The following ADORA2B variants were observed in gnomAD, a reference collection of about 807,000 sequenced individuals.
ADORA2B encodes adenosine receptor A2b.
Under a neutral mutation model 20.8 loss-of-function variants are expected in ADORA2B, and 18 were observed. The observed-to-expected ratio is 0.87, with a 90% confidence interval of 0.60 to 1.29. The LOEUF (loss-of-function observed/expected upper bound fraction) is 1.29, where lower values mean the gene tolerates loss of function less well. Among genes scored for constraint, ADORA2B ranks in the 50% most tolerant of loss-of-function variants. ADORA2B has a pLI of 0.00. For synonymous variants in ADORA2B, 179 were observed against 178.3 expected, an observed-to-expected ratio of 1.00 and a Z score of -0.03; for missense variants, 441 against 422.7, an observed-to-expected ratio of 1.04 and a Z score of -0.38.
At chr17:15,893,438 C>T in the ADORA2B span, among the ~76,000 whole-genome samples, 5 of 152,180 alleles carry the variant, frequency 3.3e-5, no homozygotes, top group Admixed American at 1.3e-4. Flanking sequence ...TCAGAGTGGA[C>T]ACCACACTCC....
At chr17:15,916,934 C>T in the ADORA2B span, among the ~76,000 whole-genome samples, 1 of 152,212 alleles carries the variant, frequency 6.6e-6, no homozygotes, top group Non-Finnish European at 1.5e-5. Flanking sequence ...CCTAAGTGAT[C>T]TGGCACCAAA....
At chr17:15,874,698 T>TA in the ADORA2B span, among the ~76,000 whole-genome samples, 2 of 152,052 alleles carry the variant, frequency 1.3e-5, no homozygotes, top group African/African-American at 2.4e-5. Context: ...TCTCTGGGGA[T>TA]AAAAAATGGC....
intron 1 of ADORA2B, among the ~76,000 whole-genome samples, chr17:15,947,108 C>G (rs1160255016): frequency 6.6e-6 from 1 of 152,138 alleles, no homozygotes; most frequent in Non-Finnish European, 1.5e-5. Flanking sequence ...GCTGTTGGAC[C>G]AGGAGGCCTT....
chr17:15,939,712 T>G, the ADORA2B span, among the ~76,000 whole-genome samples: 6 of 151,384 alleles, frequency 4.0e-5, no homozygotes, highest in African/African-American at 1.5e-4. Context: ...CAAAAAAAAA[T>G]TAGCCGGGTG....
the ADORA2B span, among the ~76,000 whole-genome samples, chr17:15,865,006 A>C: frequency 6.6e-6 from 1 of 151,040 alleles, no homozygotes; most frequent in Admixed American, 6.6e-5. Flanking sequence ...GCTAAATTAC[A>C]CTCCCAAAGA....
At chr17:15,920,711 C>G in the ADORA2B span, among the ~76,000 whole-genome samples, 1 of 143,684 alleles carries the variant, frequency 7.0e-6, no homozygotes, top group African/African-American at 2.6e-5. Context: ...TAGAGGGAGA[C>G]TCCGTCTCAA....
the ADORA2B span, among the ~76,000 whole-genome samples, chr17:15,892,832 A>G: frequency 1.8e-4 from 27 of 152,144 alleles, no homozygotes; most frequent in Admixed American, 1.8e-3. Context: ...TGTACCCTGC[A>G]GCTTCTCCCC....
At chr17:15,917,525 C>T in the ADORA2B span, among the ~76,000 whole-genome samples, 3 of 152,242 alleles carry the variant, frequency 2.0e-5, no homozygotes, top group Non-Finnish European at 4.4e-5. Flanking sequence ...TGGGGTCTGA[C>T]GCCCGAGGAC....
At chr17:15,969,099 C>G (rs1433144985) in intron 1 of ADORA2B, among the ~76,000 whole-genome samples, 1 of 152,168 alleles carries the variant, frequency 6.6e-6, no homozygotes, top group African/African-American at 2.4e-5. Context: ...AAGTGTCCTT[C>G]CCCACATGCC....
chr17:15,851,267 G>A, the ADORA2B span, among the ~76,000 whole-genome samples: 1 of 150,214 alleles, frequency 6.7e-6, no homozygotes, highest in African/African-American at 2.5e-5. Flanking sequence ...GGCTGGAGAA[G>A]GCAGTAGGCT....
intron 1 of ADORA2B, among the ~76,000 whole-genome samples, chr17:15,949,871 A>G (rs1470140651): frequency 6.6e-6 from 1 of 152,012 alleles, no homozygotes; most frequent in Non-Finnish European, 1.5e-5. Flanking sequence ...TAAAAAATAA[A>G]AAAGCTTGGC....
chr17:15,970,412 G>T (rs116848446), intron 1 of ADORA2B, among the ~76,000 whole-genome samples: 1 of 152,172 alleles, frequency 6.6e-6, no homozygotes, highest in African/African-American at 2.4e-5. Flanking sequence ...GACTCCAGTT[G>T]TTGTTCTGAA....
chr17:15,967,053 G>A (rs1970128946), intron 1 of ADORA2B, among the ~76,000 whole-genome samples: 1 of 152,208 alleles, frequency 6.6e-6, no homozygotes, highest in Non-Finnish European at 1.5e-5. Context: ...GGGAGGCAGA[G>A]TCTGCAGCAA....
intron 1 of ADORA2B, among the ~76,000 whole-genome samples, chr17:15,968,545 G>C (rs1970148564): frequency 6.6e-6 from 1 of 152,218 alleles, no homozygotes; most frequent in African/African-American, 2.4e-5. Flanking sequence ...CTTCCTTCAA[G>C]TCTTCAAGCT....
At chr17:15,944,588 G>T (rs1169080712), upstream of ADORA2B, among the ~76,000 whole-genome samples, 2 of 152,052 alleles carry the variant, frequency 1.3e-5, no homozygotes, top group Non-Finnish European at 2.9e-5. The surrounding 1 kb of genome is among the most constrained non-coding windows in gnomAD (Gnocchi z 4.8). Context: ...CAGCCCCCGA[G>T]GGCTCCTTGC....
the ADORA2B span, among the ~76,000 whole-genome samples, chr17:15,884,690 A>G: frequency 1.3e-5 from 2 of 152,128 alleles, no homozygotes; most frequent in Non-Finnish European, 2.9e-5. Context: ...CTCTTCCTGT[A>G]TTAGTTTGCT....
the ADORA2B span, among the ~76,000 whole-genome samples, chr17:15,936,694 G>A: frequency 6.6e-6 from 1 of 152,204 alleles, no homozygotes; most frequent in East Asian, 1.9e-4. Context: ...AGTGGCTCAT[G>A]CCTGTAATTT....
chr17:15,935,866 C>CT, the ADORA2B span, among the ~76,000 whole-genome samples: 997 of 130,082 alleles, frequency 7.7e-3, 21 homozygotes, highest in African/African-American at 0.02. Flanking sequence ...TGTTATTGTA[C>CT]TTTTTTTTTT....
the ADORA2B span, among the ~76,000 whole-genome samples, chr17:15,933,495 A>C: frequency 0.21 from 32,274 of 151,990 alleles, 3,538 homozygotes; most frequent in African/African-American, 0.26. Flanking sequence ...TTGTAGTTTT[A>C]TTTGTAAAAG....
Sources: allele counts gnomAD v4.1 joint callset (sites outside exome capture counted in the v4.1 genomes callset), GRCh38; gene constraint gnomAD v4.1.1; non-coding constraint Gnocchi (gnomAD v3.1); transcripts MANE v1.5; gene names NCBI Gene and HGNC (gene_info 2026-07-23, HGNC 2026-07-21).